Variants in NELL1 observed in about 807,000 individuals in gnomAD.
NELL1 encodes neural EGFL like 1.
In NELL1, 76 loss-of-function variants were observed where a neutral mutation model predicts 107.4. The ratio of observed to expected loss-of-function variants is 0.71; its 90% CI spans 0.59 to 0.86. The LOEUF is 0.86. Ranked by LOEUF, NELL1 falls within the 40% of genes least tolerant of loss-of-function variation. The probability of loss-of-function intolerance (pLI) is 0.00; values close to 1 mark genes in which losing one functional copy is unlikely to be tolerated. For missense variants in NELL1, 1,024 were observed against 1,005.5 expected, an observed-to-expected ratio of 1.02 and a Z score of -0.25; for synonymous variants, 353 against 341.2, an observed-to-expected ratio of 1.03 and a Z score of -0.38.
chr11:21,069,509 G>A lies in NELL1; in HGVS notation c.1301-44080G>A, dbSNP rs141981533. Among the ~76,000 whole-genome samples the A allele has an allele frequency of 2.9e-3, 440 of 152,234 alleles. 2 individuals carry two copies. The highest frequency in any genetic ancestry group is 0.01 in the African/African-American group (420 of 41,552). Reference sequence around the variant, plus strand: ...GGGACTGGCACTCTGGAGGGAGGAGGAATGGAAGGGAAGCAACATGGGGAG... The same window carrying A: ...GGGACTGGCACTCTGGAGGGAGGAGAAATGGAAGGGAAGCAACATGGGGAG... On this transcript the variant is annotated intron_variant, in intron 12 of 19. Coordinates refer to ENST00000357134, the MANE Select transcript of NELL1 (RefSeq NM_006157.5).
intron 4 of NELL1, among the ~76,000 whole-genome samples, chr11:20,859,433 A>G (rs1848938355): frequency 6.6e-6 from 1 of 152,168 alleles, no homozygotes; most frequent in Admixed American, 6.5e-5. Flanking sequence ...TAAGATTTGT[A>G]TGCCTTGTGT....
chr11:20,839,853 C>G lies in NELL1; in HGVS notation c.336-7730C>G, dbSNP rs1228032244. Reference sequence around the variant, plus strand: ...GTACCAGAAGTTTGTCTGGGAAAATCAGGACTTTAGTTTAGTCAAATAGCT... The same window carrying G: ...GTACCAGAAGTTTGTCTGGGAAAATGAGGACTTTAGTTTAGTCAAATAGCT... On this transcript the variant is annotated intron_variant, in intron 3 of 19. Coordinates refer to ENST00000357134, the MANE Select transcript of NELL1 (RefSeq NM_006157.5). Among the ~76,000 whole-genome samples the G allele has an allele frequency of 2.6e-5, 4 of 152,264 alleles. No individual in the cohort carries two copies. The East Asian group carries it at 7.7e-4, about 29-fold the overall frequency.
chr11:21,258,889 AATT>A (rs1206792527), intron 14 of NELL1, among the ~76,000 whole-genome samples: 1 of 151,988 alleles, frequency 6.6e-6, no homozygotes, highest in African/African-American at 2.4e-5. Flanking sequence ...TGGTAGCCAT[AATT>A]ATTACTAATG....
chr11:21,418,184 C>A (rs1852567125), intron 15 of NELL1, among the ~76,000 whole-genome samples: 1 of 151,998 alleles, frequency 6.6e-6, no homozygotes, highest in Non-Finnish European at 1.5e-5. Context: ...AAATACAGTA[C>A]TGAGAAAAAT....
chr11:21,327,871 T>C (rs1254316275), intron 14 of NELL1, among the ~76,000 whole-genome samples: 1 of 152,162 alleles, frequency 6.6e-6, no homozygotes, highest in Non-Finnish European at 1.5e-5. Context: ...GCATTTTGCA[T>C]CTGCCCTGGA....
At chr11:20,715,025 C>T (rs1419652167) in intron 2 of NELL1, among the ~76,000 whole-genome samples, 5 of 151,892 alleles carry the variant, frequency 3.3e-5, no homozygotes, top group South Asian at 2.1e-4. Context: ...GGGCGGATCA[C>T]GAGGTCAGGA....
At chr11:20,963,114 C>G (rs1179955187) in intron 12 of NELL1, among the ~76,000 whole-genome samples, 1 of 152,118 alleles carries the variant, frequency 6.6e-6, no homozygotes, top group East Asian at 1.9e-4. Context: ...TGCATGATGA[C>G]TTCCATAGCT....
chr11:21,332,086 A>G (rs184289955), intron 14 of NELL1, among the ~76,000 whole-genome samples: 13 of 152,202 alleles, frequency 8.5e-5, no homozygotes, highest in East Asian at 3.9e-4. Flanking sequence ...GAATTACTCA[A>G]GTATTCAACT....
intron 4 of NELL1, among the ~76,000 whole-genome samples, chr11:20,854,597 C>A (rs185591672): frequency 6.6e-6 from 1 of 152,186 alleles, no homozygotes. Context: ...AAATCACTTG[C>A]TGGAGTAGAT....
intron 17 of NELL1, among the ~76,000 whole-genome samples, chr11:21,567,526 A>G (rs893263221): frequency 6.6e-6 from 1 of 151,842 alleles, no homozygotes; most frequent in East Asian, 2.0e-4. Flanking sequence ...TTGGAACACT[A>G]TGATTTCTTG....
chr11:21,271,834 T>C (rs753780495), intron 14 of NELL1, among the ~76,000 whole-genome samples: 1 of 152,174 alleles, frequency 6.6e-6, no homozygotes, highest in African/African-American at 2.4e-5. Flanking sequence ...TGAAAATCAT[T>C]TGAATTGATG....
At chr11:21,383,691 GTATA>G (rs1851665991) in intron 15 of NELL1, 1 of 148,402 alleles carries the variant, frequency 6.7e-6, no homozygotes, top group South Asian at 2.1e-4. Flanking sequence ...AAATATATCT[GTATA>G]TATATTTATA....
chr11:20,844,801 C>A (rs1019758983), intron 3 of NELL1, among the ~76,000 whole-genome samples: 2 of 152,206 alleles, frequency 1.3e-5, no homozygotes, highest in Non-Finnish European at 2.9e-5. Context: ...CTGCAGTAGA[C>A]CTTGGGGTTA....
chr11:21,206,957 C>T (rs907525605), intron 13 of NELL1, among the ~76,000 whole-genome samples: 4 of 152,088 alleles, frequency 2.6e-5, no homozygotes, highest in African/African-American at 9.7e-5. Context: ...GACAAAGGGC[C>T]TCAGCAAAAA....
At chr11:21,362,586 G>T (rs7927072) in intron 14 of NELL1, among the ~76,000 whole-genome samples, 2,051 of 151,046 alleles carry the variant, frequency 0.014, 45 homozygotes, top group African/African-American at 0.047. Context: ...GAGTTATTCT[G>T]TCCTGAATTG....
intron 2 of NELL1, among the ~76,000 whole-genome samples, chr11:20,740,870 C>T (rs1044732998): frequency 6.6e-6 from 1 of 152,148 alleles, no homozygotes; most frequent in Non-Finnish European, 1.5e-5. Context: ...AAGTGATCCT[C>T]CTGCCTCAGC....
intron 15 of NELL1, among the ~76,000 whole-genome samples, chr11:21,400,567 G>A (rs1301239465): frequency 2.6e-5 from 4 of 151,734 alleles, no homozygotes; most frequent in Non-Finnish European, 4.4e-5. Context: ...CCTGTTTAAC[G>A]TAATCTTGAA....
chr11:21,314,930 C>T (rs28539626), intron 14 of NELL1, among the ~76,000 whole-genome samples: 44 of 151,802 alleles, frequency 2.9e-4, no homozygotes, highest in Non-Finnish European at 1.0e-4. Context: ...AATATCAGCT[C>T]ACTGCAACCT....
At chr11:21,250,615 A>G (rs79393613) in intron 14 of NELL1, among the ~76,000 whole-genome samples, 3 of 152,198 alleles carry the variant, frequency 2.0e-5, no homozygotes, top group Non-Finnish European at 4.4e-5. Flanking sequence ...AACAAACTCA[A>G]AAGAGTCAAC....
Sources: gnomAD v4.1 joint callset for allele counts (sites outside exome capture counted in the v4.1 genomes callset) on GRCh38, gnomAD v4.1.1 for gene constraint, MANE v1.5 for transcripts, NCBI Gene and HGNC (gene_info 2026-07-23, HGNC 2026-07-21) for gene names.